The following OR2C1 variants were observed in gnomAD, a reference collection of about 807,000 sequenced individuals.
OR2C1 encodes the protein olfactory receptor family 2 subfamily C member 1, also known as olfactory receptor 2C1.
For synonymous variants in OR2C1, 209 were observed against 167.3 expected, an observed-to-expected ratio of 1.25 and a Z score of -1.92; for missense variants, 468 against 388.3, an observed-to-expected ratio of 1.21 and a Z score of -1.73.
the OR2C1 span, among the ~76,000 whole-genome samples, chr16:3,346,404 C>G: frequency 6.6e-6 from 1 of 152,136 alleles, no homozygotes; most frequent in East Asian, 1.9e-4. Flanking sequence ...GTACGTCCAG[C>G]TGGACTCTGA....
In OR2C1 at chr16:3,356,295, G is replaced by A; in HGVS notation, c.355G>A (p.Ala119Thr). ...CGAGTGCATCCTGCTGGTGGTGATG[G>A]CATTTGACCGCTACGTGGCAGTGTG... Reference protein sequence around the residue: ...ATECILLVVMAFDRYVAVCRP... With the variant: ...ATECILLVVMTFDRYVAVCRP... Residue 119 changes from alanine (A) to threonine (T), a missense_variant, in exon 1 of 1, where the codon GCA (alanine) becomes ACA (threonine). Coordinates refer to ENST00000304936, the MANE Select transcript of OR2C1 (RefSeq NM_012368.3). The A allele has an allele frequency of 3.7e-6, 6 of 1,613,396 alleles. No homozygotes were observed. The highest frequency in any genetic ancestry group is 5.1e-6 in the Non-Finnish European group (6 of 1,179,974).
chr16:3,345,593 G>T, the OR2C1 span, among the ~76,000 whole-genome samples: 1 of 151,998 alleles, frequency 6.6e-6, no homozygotes, highest in African/African-American at 2.4e-5. Context: ...TTGTTTGGAT[G>T]CACATATATG....
chr16:3,330,889 G>T, the OR2C1 span, among the ~76,000 whole-genome samples: 1 of 151,880 alleles, frequency 6.6e-6, no homozygotes, highest in African/African-American at 2.4e-5. Flanking sequence ...CTACAGGTGT[G>T]CACCACTAGG....
chr16:3,355,587 C>T (rs2030652528), upstream of OR2C1, among the ~76,000 whole-genome samples: 1 of 151,780 alleles, frequency 6.6e-6, no homozygotes, highest in South Asian at 2.1e-4. Flanking sequence ...TTGGAGACAA[C>T]CCTGGGCAAC....
the OR2C1 span, chr16:3,323,278 C>T: frequency 1.2e-6 from 1 of 852,558 alleles, no homozygotes; most frequent in Non-Finnish European, 2.0e-6. Flanking sequence ...TTTTTGGTAG[C>T]ATGATGGACC....
the OR2C1 span, among the ~76,000 whole-genome samples, chr16:3,329,774 A>C: frequency 3.8e-5 from 1 of 26,330 alleles, no homozygotes. Flanking sequence ...TTTTTTTTTG[A>C]GGTGGAGTCT....
At chr16:3,347,367 C>A in the OR2C1 span, among the ~76,000 whole-genome samples, 1 of 151,822 alleles carries the variant, frequency 6.6e-6, no homozygotes, top group Non-Finnish European at 1.5e-5. Flanking sequence ...TGCACTCCAG[C>A]CTAGGTGATA....
At chr16:3,329,862 C>A in the OR2C1 span, among the ~76,000 whole-genome samples, 9 of 143,388 alleles carry the variant, frequency 6.3e-5, no homozygotes, top group South Asian at 4.5e-4. Context: ...TCAAGTGATT[C>A]CCCTGCCTCA....
the OR2C1 span, chr16:3,322,940 T>G: frequency 1.0e-6 from 1 of 985,166 alleles, no homozygotes; most frequent in Admixed American, 6.2e-5. Context: ...AAAGCAGGAC[T>G]ACTTCCGCCG....
chr16:3,329,063 T>C, the OR2C1 span, among the ~76,000 whole-genome samples: 29 of 151,674 alleles, frequency 1.9e-4, no homozygotes, highest in Admixed American at 1.8e-3. Flanking sequence ...GGCATGATCT[T>C]GGCTCACTGA....
At chr16:3,329,200 A>ACACACC in the OR2C1 span, among the ~76,000 whole-genome samples, 940 of 151,080 alleles carry the variant, frequency 6.2e-3, 7 homozygotes, top group Middle Eastern at 0.017. Context: ...ACACACACAC[A>ACACACC]CACACACACA....
chr16:3,349,377 C>T, the OR2C1 span, among the ~76,000 whole-genome samples: 1 of 152,100 alleles, frequency 6.6e-6, no homozygotes, highest in East Asian at 1.9e-4. Context: ...TACCCTTGGG[C>T]GCTGCAGAGC....
upstream of OR2C1, among the ~76,000 whole-genome samples, chr16:3,353,489 CAAA>C (rs58703245): frequency 3.4e-3 from 285 of 82,960 alleles, no homozygotes; most frequent in African/African-American, 0.01. Flanking sequence ...GACTCCGTCT[CAAA>C]AAAAAAAAAA....
chr16:3,356,016 A>G lies in OR2C1; in HGVS notation c.76A>G (p.Ile26Val). Residue 26 changes from isoleucine (I) to valine (V), a missense_variant, in exon 1 of 1, where the codon ATC becomes GTC. Physicochemically the swap from Ile to Val is conservative, Grantham distance 29. Coordinates refer to ENST00000304936, the MANE Select transcript of OR2C1 (RefSeq NM_012368.3). ...GISDHPQLEM[I>V]FFIAILFSYL... Reference sequence around the variant, plus strand: ...ATCAGACCATCCCCAGCTGGAGATGATCTTTTTTATAGCCATCCTCTTCTC... The same window carrying G: ...ATCAGACCATCCCCAGCTGGAGATGGTCTTTTTTATAGCCATCCTCTTCTC... 3 of 1,614,036 alleles carry G rather than the reference A, an allele frequency of 1.9e-6. No individual in the cohort carries two copies. Among genetic ancestry groups the G allele is most frequent in the Admixed American group, 1.7e-5 (1 of 60,012 alleles).
At position 3,357,301 on chromosome 16, in the gene OR2C1, A is replaced by C; in HGVS notation, c.*422A>C. 1 of 172,328 alleles carries C rather than the reference A, an allele frequency of 5.8e-6. No homozygotes were observed. The highest frequency in any genetic ancestry group is 1.8e-4 in the East Asian group (1 of 5,504). 10.7% of individuals were successfully genotyped at this position (172,328 alleles called of 1,614,324 possible). On this transcript the variant is annotated 3_prime_UTR_variant, in exon 1 of 1. Transcript: ENST00000304936. ...CATAAAATCAAGCCATGTATTATTA[A>C]CTTCATATGAAGACCCAAACAATTC...
chr16:3,354,780 T>C (rs889196773), upstream of OR2C1, among the ~76,000 whole-genome samples: 1 of 152,142 alleles, frequency 6.6e-6, no homozygotes, highest in Non-Finnish European at 1.5e-5. Context: ...GTGTTGTTGC[T>C]GTTGTTTTCA....
At chr16:3,354,249 T>C (rs1020357065), upstream of OR2C1, among the ~76,000 whole-genome samples, 1 of 152,202 alleles carries the variant, frequency 6.6e-6, no homozygotes, top group Non-Finnish European at 1.5e-5. Flanking sequence ...CCTCCCAAAG[T>C]GTTGGGATTA....
At chr16:3,323,677 A>G in the OR2C1 span, 10 of 688,010 alleles carry the variant, frequency 1.5e-5, no homozygotes, top group East Asian at 2.5e-4. Flanking sequence ...AGGAATGTTT[A>G]TCTGGCAATT....
chr16:3,336,928 G>T, the OR2C1 span, among the ~76,000 whole-genome samples: 12 of 151,626 alleles, frequency 7.9e-5, no homozygotes, highest in African/African-American at 2.4e-4. Flanking sequence ...GGCTGGTCTC[G>T]AACTCCCGAC....
Sources: allele counts gnomAD v4.1 joint callset (sites outside exome capture counted in the v4.1 genomes callset), GRCh38; gene constraint gnomAD v4.1.1; transcripts MANE v1.5; gene names NCBI Gene and HGNC (gene_info 2026-07-23, HGNC 2026-07-21).